Variants in RANBP17 observed in about 807,000 individuals in gnomAD.
RANBP17 encodes RAN binding protein 17.
A neutral mutation model predicts 141.2 loss-of-function variants in RANBP17; 158 were observed. That is an observed-to-expected ratio of 1.12 (90% CI 0.98 to 1.28). RANBP17 has a LOEUF of 1.28. RANBP17 is among the 50% of genes most tolerant of loss of function. RANBP17 has a pLI of 0.00. For missense variants in RANBP17, 1,438 were observed against 1,290.7 expected (o/e 1.11, Z -1.75); for synonymous variants, 430 against 450.0 (o/e 0.96, Z 0.56).
At chr5:171,276,821 T>G (rs1357587634) in intron 25 of RANBP17, among the ~76,000 whole-genome samples, 1 of 149,790 alleles carries the variant, frequency 6.7e-6, no homozygotes, top group Non-Finnish European at 1.5e-5. Context: ...GTATGGCAAA[T>G]GGCAACCAAA....
rs984737481 is a variant in RANBP17 at position 171,071,730 on chromosome 5, G to A, written c.1711-98400G>A. 3.4e-5 allele frequency among the ~76,000 whole-genome samples: 5 copies of A among 144,930 alleles called. No individual in the cohort carries two copies. The South Asian group carries it at 1.1e-3, about 32-fold the overall frequency. The stretch of plus-strand genomic sequence containing the variant: ...ACTTGTACAAAAATTAACTCAGAAT[G>A]CATCATAGAACTAAAATGTATAACA... On this transcript the variant is annotated intron_variant, in intron 14 of 27. Coordinates refer to ENST00000523189, the MANE Select transcript of RANBP17 (RefSeq NM_022897.5).
At chr5:170,887,074 G>A (rs1415464666) in intron 3 of RANBP17, among the ~76,000 whole-genome samples, 1 of 152,128 alleles carries the variant, frequency 6.6e-6, no homozygotes, top group East Asian at 1.9e-4. Flanking sequence ...TGTTGTTCAA[G>A]GGTGAACTGT....
At chr5:171,023,043 G>T (rs1237699525) in intron 14 of RANBP17, among the ~76,000 whole-genome samples, 1 of 152,206 alleles carries the variant, frequency 6.6e-6, no homozygotes, top group Non-Finnish European at 1.5e-5. Context: ...TGCCCCATGT[G>T]GCTCAGATGG....
chr5:171,222,520 C>T (rs1763627914), intron 22 of RANBP17, among the ~76,000 whole-genome samples: 2 of 152,176 alleles, frequency 1.3e-5, no homozygotes, highest in Non-Finnish European at 2.9e-5. Flanking sequence ...GGGCTCTGTG[C>T]AATGCACTTC....
intron 14 of RANBP17, among the ~76,000 whole-genome samples, chr5:171,091,542 T>A (rs2608098): frequency 0.62 from 94,779 of 151,936 alleles, 30,672 homozygotes; most frequent in South Asian, 0.88. Context: ...GCATGATTGG[T>A]TTTGAAATGT....
chr5:170,986,373 C>T (rs1040745387), intron 14 of RANBP17, among the ~76,000 whole-genome samples: 7 of 151,664 alleles, frequency 4.6e-5, no homozygotes, highest in Non-Finnish European at 1.0e-4. Flanking sequence ...TGCATTAAGC[C>T]GATAAGTGCT....
At chr5:171,191,529 T>C (rs1017428070) in intron 18 of RANBP17, among the ~76,000 whole-genome samples, 1 of 151,822 alleles carries the variant, frequency 6.6e-6, no homozygotes, top group Non-Finnish European at 1.5e-5. Flanking sequence ...CTACTAAAAA[T>C]ACAAAAAATT....
Position 171,242,733 on chromosome 5 carries a change from C to G in RANBP17, c.2689C>G (p.Gln897Glu). Residue 897 changes from glutamine to glutamate, a missense_variant, in exon 24 of 28, where the codon CAG becomes GAG. Transcript: ENST00000523189. ...SYYPLLECLT[Q>E]DHMSFIINLE... ...TTATCCACTCCTGGAATGTCTCACT[C>G]AGGACCATATGAGCTTCATCATCAA... The G allele has an allele frequency of 6.2e-7, 1 of 1,613,832 alleles. No individual in the cohort carries two copies. Among genetic ancestry groups the G allele is most frequent in the African/African-American group, 1.3e-5 (1 of 75,050 alleles).
intron 14 of RANBP17, among the ~76,000 whole-genome samples, chr5:171,041,776 A>AGATGT (rs1371613519): frequency 1.3e-5 from 2 of 152,060 alleles, no homozygotes; most frequent in Non-Finnish European, 2.9e-5. Flanking sequence ...TACATGTGCA[A>AGATGT]GATGTACAGG....
intron 20 of RANBP17, 59 bp downstream of exon 20, chr5:171,205,671 C>T (rs775129170): frequency 9.5e-6 from 13 of 1,363,814 alleles, no homozygotes; most frequent in African/African-American, 4.3e-5. Context: ...CCAGGCCCCT[C>T]GCTTTCGTTT....
At chr5:171,001,985 CA>C (rs2127578116) in intron 14 of RANBP17, among the ~76,000 whole-genome samples, 1 of 152,058 alleles carries the variant, frequency 6.6e-6, no homozygotes, top group South Asian at 2.1e-4. Flanking sequence ...TGGTCCTGGG[CA>C]GGGGCAAATC....
rs1173222527 is a variant in RANBP17, at chr5:171,243,597, AAACT to A, written c.2776+778_2776+781del. ...ATTTTTAACATTATAAGAAACTAAC[AAACT>A]GTTTCCCAGAGTGACAGTGACAGCA... On this transcript the variant is annotated intron_variant, in intron 24 of 27. Coordinates refer to ENST00000523189, the MANE Select transcript of RANBP17 (RefSeq NM_022897.5). 7.9e-5 allele frequency among the ~76,000 whole-genome samples: 12 copies of A among 152,310 alleles called. 1 individual carries two copies. The highest frequency in any genetic ancestry group is 2.9e-4 in the African/African-American group (12 of 41,570).
chr5:170,945,344 G>GT (rs896144788), intron 12 of RANBP17, among the ~76,000 whole-genome samples: 6 of 151,176 alleles, frequency 4.0e-5, no homozygotes, highest in Non-Finnish European at 8.8e-5. Context: ...TATGTCTTAT[G>GT]TTTTTTTGTA....
chr5:170,915,512 G>T (rs1250530912), intron 8 of RANBP17, among the ~76,000 whole-genome samples: 1 of 152,026 alleles, frequency 6.6e-6, no homozygotes, highest in African/African-American at 2.4e-5. Context: ...TTCCTAAGGA[G>T]TTTTTTGTTT....
At chr5:171,185,450 CTG>C (rs1761170594) in intron 18 of RANBP17, among the ~76,000 whole-genome samples, 1 of 152,238 alleles carries the variant, frequency 6.6e-6, no homozygotes, top group Admixed American at 6.5e-5. Context: ...TCTTTAAAAA[CTG>C]GAGTCAATCC....
At chr5:170,868,606 G>GT (rs1767461929) in intron 1 of RANBP17, among the ~76,000 whole-genome samples, 1 of 152,068 alleles carries the variant, frequency 6.6e-6, no homozygotes, top group South Asian at 2.1e-4. Flanking sequence ...TCTGTGGGAG[G>GT]TGAATGATGT....
intron 26 of RANBP17, among the ~76,000 whole-genome samples, 188 bp from the exon 27 acceptor site, chr5:171,295,699 G>A (rs1561836777): frequency 6.6e-6 from 1 of 152,112 alleles, no homozygotes; most frequent in Admixed American, 6.6e-5. Context: ...TCATAGAATT[G>A]ATAACTAGGA....
At chr5:171,028,003 C>T (rs894381313) in intron 14 of RANBP17, among the ~76,000 whole-genome samples, 3 of 151,856 alleles carry the variant, frequency 2.0e-5, no homozygotes, top group Non-Finnish European at 2.9e-5. Context: ...GAATTTTTTG[C>T]TTACTGATTT....
In RANBP17 at chr5:171,139,561, G is replaced by A. The variant is rs1054748158; in HGVS notation, c.1711-30569G>A. On this transcript the variant is annotated intron_variant, in intron 14 of 27. Transcript: ENST00000523189. ...ATTCTAGTATAAACCAGAAACCTAG[G>A]AATCATTTTTATTTCATTTCTTCCT... is the stretch of plus-strand genomic sequence containing the variant. 1.5e-4 allele frequency among the ~76,000 whole-genome samples: 23 copies of A among 152,024 alleles called. 1 individual carries two copies. Among genetic ancestry groups the A allele is most frequent in the Non-Finnish European group, 4.4e-5 (3 of 68,012 alleles).
Sources: allele counts gnomAD v4.1 joint callset (sites outside exome capture counted in the v4.1 genomes callset), GRCh38; gene constraint gnomAD v4.1.1; transcripts MANE v1.5; gene names NCBI Gene and HGNC (gene_info 2026-07-23, HGNC 2026-07-21).